PKHD1: variants seen among roughly 807,000 people sequenced by gnomAD.
PKHD1 encodes PKHD1 ciliary IPT domain containing fibrocystin/polyductin.
PKHD1 carries 291 observed loss-of-function variants against 412.0 expected under a neutral mutation model. The ratio of observed to expected loss-of-function variants is 0.71; its 90% CI spans 0.64 to 0.78. The LOEUF (loss-of-function observed/expected upper bound fraction) is 0.78, where lower values mean the gene tolerates loss of function less well. PKHD1 is among the 30% of genes least tolerant of loss of function. The probability of loss-of-function intolerance (pLI) is 0.00; values close to 1 mark genes in which losing one functional copy is unlikely to be tolerated. For missense variants in PKHD1, 4,825 were observed against 4,950.7 expected (o/e 0.97, Z 0.76); for synonymous variants, 1,777 against 1,821.5 (o/e 0.98, Z 0.62).
rs1434723352 is a variant in PKHD1, at chr6:51,791,328, A to G, written c.8348T>C (p.Leu2783Pro). Reference sequence around the variant, plus strand: ...GAAGTCTAAGGTCCCCATCACATACAGCCCTTTGAAGAATGGAAGATCTGT... The same window carrying G: ...GAAGTCTAAGGTCCCCATCACATACGGCCCTTTGAAGAATGGAAGATCTGT... ...VDTDLPFFKG[L>P]YVMGTLDFPV... Residue 2783 changes from leucine (L) to proline (P), a missense_variant, in exon 53 of 67, where the codon CTG becomes CCG. Coordinates refer to ENST00000371117, the MANE Select transcript of PKHD1 (RefSeq NM_138694.4). The G allele has an allele frequency of 1.2e-6, 2 of 1,613,302 alleles. No individual in the cohort carries two copies. Among genetic ancestry groups the G allele is most frequent in the South Asian group, 1.1e-5 (1 of 91,064 alleles).
intron 46 of PKHD1, among the ~76,000 whole-genome samples, chr6:51,874,171 A>AT (rs775937938): frequency 1.1e-3 from 169 of 152,332 alleles, no homozygotes; most frequent in Non-Finnish European, 2.0e-3. Flanking sequence ...TGAATACGGT[A>AT]TTTTTTAAAG....
chr6:52,004,503 A>G (rs1170266285), intron 35 of PKHD1, among the ~76,000 whole-genome samples: 2 of 151,240 alleles, frequency 1.3e-5, no homozygotes, highest in African/African-American at 4.9e-5. Flanking sequence ...TTGATTGCAT[A>G]TTTTGCTTTT....
rs2397060 is a variant in PKHD1, at chr6:51,746,672, T to C, written c.9998+49A>G. 219,246 of 1,162,188 alleles carry C rather than the reference T, an allele frequency of 0.19. 31,453 individuals are homozygous for C. Among genetic ancestry groups the C allele is most frequent in the African/African-American group, 0.72 (47,361 of 66,158 alleles). The allele number at this position is 1,162,188 out of a possible 1,614,324, so 72.0% of individuals were successfully genotyped here. A position where few individuals can be genotyped will look rare whatever the true frequency, so the allele number is the denominator to read the frequency against. ...AAAACATGTTTAGGGTTTGAAGAAT[T>C]GCCAAGTACTTCATAAATATGGCTT... On this transcript the variant is annotated intron_variant, in intron 59 of 66. Coordinates refer to ENST00000371117, the MANE Select transcript of PKHD1 (RefSeq NM_138694.4).
chr6:51,852,716 T>C (rs941478155), intron 49 of PKHD1, among the ~76,000 whole-genome samples: 1 of 150,608 alleles, frequency 6.6e-6, no homozygotes, highest in African/African-American at 2.4e-5. Context: ...TATCAGAGAC[T>C]AGGATTGCAA....
intron 63 of PKHD1, among the ~76,000 whole-genome samples, chr6:51,644,289 TTA>T (rs140333662): frequency 0.043 from 6,518 of 152,252 alleles, 235 homozygotes; most frequent in African/African-American, 0.093. Flanking sequence ...TACAACAATT[TTA>T]TATGTTTCTT....
intron 60 of PKHD1, among the ~76,000 whole-genome samples, chr6:51,729,643 A>G (rs1393962148): frequency 6.6e-6 from 1 of 152,186 alleles, no homozygotes; most frequent in Admixed American, 6.6e-5. Flanking sequence ...AGATGACAAA[A>G]AGCTAAGAAA....
Position 51,700,293 on chromosome 6 carries a change from C to T in PKHD1, c.10157-40324G>A, listed in dbSNP as rs1006616746. Among the ~76,000 whole-genome samples the T allele has an allele frequency of 2.6e-5, 4 of 151,956 alleles. No individual in the cohort carries two copies. In the South Asian group the frequency reaches 6.2e-4, roughly 24 times the overall value. ...AACTATGAAAGGTACTTTAAAATAT[C>T]AAAATTCTTTTGATAAATGGAGAGA... is the stretch of plus-strand genomic sequence containing the variant. On this transcript the variant is annotated intron_variant, in intron 60 of 66. Coordinates refer to ENST00000371117, the MANE Select transcript of PKHD1 (RefSeq NM_138694.4).
chr6:51,763,660 T>C (rs1788424441), intron 55 of PKHD1, among the ~76,000 whole-genome samples: 1 of 152,110 alleles, frequency 6.6e-6, no homozygotes, highest in South Asian at 2.1e-4. Context: ...ACTATCCAGC[T>C]ACACAAACCA....
At position 52,049,646 on chromosome 6, in the gene PKHD1, T is replaced by C. The variant is rs1355778157; in HGVS notation, c.2279+511A>G. On this transcript the variant is annotated intron_variant, in intron 22 of 66. Transcript: ENST00000371117. The stretch of plus-strand genomic sequence containing the variant: ...CTGCTTTGTAAACTGTGGCTAGAAA[T>C]GGTTATTATGAAGCAATGCTTATGG... Among the ~76,000 whole-genome samples the C allele has an allele frequency of 4.6e-5, 7 of 152,242 alleles. No homozygotes were observed. In the Middle Eastern group the frequency reaches 0.017, roughly 370 times the overall value.
intron 45 of PKHD1, 116 bp from the exon 46 acceptor site, chr6:51,883,343 C>A (rs1051550664): frequency 1.3e-5 from 12 of 940,342 alleles, no homozygotes; most frequent in Non-Finnish European, 1.9e-5. Context: ...TGTATTAAAG[C>A]ACCTTTTGTC....
chr6:51,982,852 A>G (rs1433068619), intron 35 of PKHD1, among the ~76,000 whole-genome samples: 1 of 129,102 alleles, frequency 7.7e-6, no homozygotes, highest in East Asian at 2.1e-4. Context: ...AAAATAAAAA[A>G]ATAAAAATAA....
chr6:51,776,695 T>C (rs1243944706), intron 53 of PKHD1, among the ~76,000 whole-genome samples: 1 of 152,074 alleles, frequency 6.6e-6, no homozygotes, highest in Non-Finnish European at 1.5e-5. Context: ...TAACAGAATC[T>C]ATTTGAACAC....
At chr6:51,855,667 CAT>C (rs1773171034) in intron 49 of PKHD1, among the ~76,000 whole-genome samples, 1 of 152,172 alleles carries the variant, frequency 6.6e-6, no homozygotes, top group Admixed American at 6.5e-5. Context: ...CACAATAACA[CAT>C]AAATAGATTC....
At chr6:51,788,440 TCTC>T (rs1408900727) in intron 53 of PKHD1, among the ~76,000 whole-genome samples, 11 of 151,524 alleles carry the variant, frequency 7.3e-5, no homozygotes, top group African/African-American at 2.4e-4. Context: ...TATTCTGACT[TCTC>T]CTTTATTCTG....
At chr6:52,027,731 C>A (rs1183487466) in intron 31 of PKHD1, 98 bp downstream of exon 31, 17 of 897,916 alleles carry the variant, frequency 1.9e-5, no homozygotes. Context: ...TTTCCCCTCT[C>A]TCTGACCTCA....
chr6:52,006,197 G>A (rs79708970), intron 35 of PKHD1, among the ~76,000 whole-genome samples: 1,922 of 151,228 alleles, frequency 0.013, 26 homozygotes, highest in South Asian at 0.046. Flanking sequence ...TATTTTAGAC[G>A]GAGTTTTGCT....
At chr6:51,705,002 C>A (rs1046202002) in intron 60 of PKHD1, among the ~76,000 whole-genome samples, 4 of 151,906 alleles carry the variant, frequency 2.6e-5, no homozygotes, top group African/African-American at 9.7e-5. Flanking sequence ...TGGTGGCTCC[C>A]AAACTCCTAT....
chr6:51,772,603 G>T, intron 55 of PKHD1, 99 bp downstream of exon 55: 1 of 632,554 alleles, frequency 1.6e-6, no homozygotes. Flanking sequence ...TAATTATAAT[G>T]TTTAACCTAA....
chr6:52,080,283 T>C (rs1811852722), intron 4 of PKHD1, among the ~76,000 whole-genome samples: 1 of 152,224 alleles, frequency 6.6e-6, no homozygotes, highest in Non-Finnish European at 1.5e-5. Flanking sequence ...CATTGGACTT[T>C]AAGAATTAGA....
Sources: allele counts gnomAD v4.1 joint callset (sites outside exome capture counted in the v4.1 genomes callset), GRCh38; gene constraint gnomAD v4.1.1; transcripts MANE v1.5; gene names NCBI Gene and HGNC (gene_info 2026-07-23, HGNC 2026-07-21).